TTC29: variants seen among roughly 807,000 people sequenced by gnomAD.
The protein encoded by TTC29 is tetratricopeptide repeat domain 29, also known as tetratricopeptide repeat protein 29.
TTC29 carries 49 observed loss-of-function variants against 58.1 expected under a neutral mutation model. The ratio of observed to expected loss-of-function variants is 0.84; its 90% CI spans 0.67 to 1.07. The LOEUF (loss-of-function observed/expected upper bound fraction) is 1.07, where lower values mean the gene tolerates loss of function less well. Among genes scored for constraint, TTC29 ranks in the 50% least tolerant of loss-of-function variants. The pLI is 0.00. For missense variants in TTC29, 582 were observed against 555.6 expected (o/e 1.05, Z -0.48); for synonymous variants, 209 against 196.8 (o/e 1.06, Z -0.52).
Position 146,882,079 on chromosome 4 carries a change from C to T in TTC29, c.587-7151G>A, listed in dbSNP as rs532114446. On this transcript the variant is annotated intron_variant, in intron 6 of 12. Coordinates refer to ENST00000325106, the MANE Select transcript of TTC29 (RefSeq NM_031956.4). ...TCCCATGTAGACAGGTTTGGGAGAA[C>T]CTCACCCAGGGTTTTATTACTGATG... Among the ~76,000 whole-genome samples, 25 of 152,122 alleles carry T rather than the reference C, an allele frequency of 1.6e-4. 1 individual carries two copies. The South Asian group carries it at 4.8e-3, about 29-fold the overall frequency.
chr4:146,906,003 T>A (rs898155106), intron 5 of TTC29, among the ~76,000 whole-genome samples: 1 of 152,176 alleles, frequency 6.6e-6, no homozygotes, highest in African/African-American at 2.4e-5. Flanking sequence ...TGCTCAACCC[T>A]TAATAAATTT....
At chr4:146,891,288 T>C (rs540747152) in intron 6 of TTC29, among the ~76,000 whole-genome samples, 1 of 152,326 alleles carries the variant, frequency 6.6e-6, no homozygotes, top group East Asian at 1.9e-4. Flanking sequence ...TGATTTATCA[T>C]TATCCACTTA....
intron 6 of TTC29, among the ~76,000 whole-genome samples, chr4:146,893,533 C>T (rs1732533514): frequency 6.6e-6 from 1 of 152,120 alleles, no homozygotes; most frequent in African/African-American, 2.4e-5. Context: ...AAAATTAATT[C>T]AAGATGGATT....
intron 11 of TTC29, among the ~76,000 whole-genome samples, chr4:146,761,607 C>T (rs1746906249): frequency 6.6e-6 from 1 of 150,960 alleles, no homozygotes; most frequent in African/African-American, 2.4e-5. Context: ...GCCTTGTATT[C>T]CACTGGGTTA....
chr4:146,779,576 AAG>A (rs1242505294), intron 11 of TTC29, among the ~76,000 whole-genome samples: 3 of 152,140 alleles, frequency 2.0e-5, no homozygotes, highest in African/African-American at 4.8e-5. Flanking sequence ...TTTTGAGTAA[AAG>A]AGTAGATGAT....
intron 11 of TTC29, among the ~76,000 whole-genome samples, chr4:146,801,843 T>C (rs1750242551): frequency 2.0e-5 from 3 of 151,054 alleles, no homozygotes. Context: ...CCGGGCGTCA[T>C]GGTTGGGTGC....
At chr4:146,881,701 A>G (rs1433459503) in intron 6 of TTC29, among the ~76,000 whole-genome samples, 1 of 152,112 alleles carries the variant, frequency 6.6e-6, no homozygotes, top group Non-Finnish European at 1.5e-5. Flanking sequence ...ACATGCTGAA[A>G]TAGTTAAGGG....
intron 11 of TTC29, among the ~76,000 whole-genome samples, chr4:146,755,201 T>C (rs540288651): frequency 5.1e-4 from 78 of 152,240 alleles, no homozygotes; most frequent in African/African-American, 1.8e-3. Context: ...TTGAAAACTA[T>C]ACAACACTGA....
chr4:146,887,223 A>G (rs2150242323), intron 6 of TTC29, among the ~76,000 whole-genome samples: 1 of 152,298 alleles, frequency 6.6e-6, no homozygotes, highest in Admixed American at 6.5e-5. Context: ...TTCTTACCAC[A>G]ATAACATAAA....
At chr4:146,746,345 T>C (rs976310811) in intron 11 of TTC29, among the ~76,000 whole-genome samples, 5 of 152,276 alleles carry the variant, frequency 3.3e-5, no homozygotes, top group Middle Eastern at 3.4e-3. Context: ...GACAGTTGCA[T>C]TAAGAATTAG....
intron 8 of TTC29, among the ~76,000 whole-genome samples, chr4:146,858,910 A>G (rs2150195764): frequency 6.6e-6 from 1 of 152,284 alleles, no homozygotes; most frequent in East Asian, 1.9e-4. Flanking sequence ...CTCACTCCAA[A>G]GAGTTGATAA....
intron 10 of TTC29, among the ~76,000 whole-genome samples, chr4:146,807,895 C>T (rs193062020): frequency 9.9e-5 from 15 of 152,206 alleles, no homozygotes; most frequent in South Asian, 8.3e-4. Context: ...CTTATGAGGC[C>T]GGCATCATCC....
intron 4 of TTC29, among the ~76,000 whole-genome samples, chr4:146,922,439 A>C (rs1734656285): frequency 6.6e-6 from 1 of 151,638 alleles, no homozygotes; most frequent in South Asian, 2.1e-4. Flanking sequence ...AGAAAAACAA[A>C]AACAGATAGT....
intron 11 of TTC29, among the ~76,000 whole-genome samples, chr4:146,721,586 A>G (rs4835336): frequency 0.079 from 12,024 of 152,212 alleles, 505 homozygotes; most frequent in Middle Eastern, 0.12. Flanking sequence ...GACACAATAA[A>G]ATGTTAGTTG....
chr4:146,803,320 TGTA>T (rs1375547681), intron 11 of TTC29, 134 bp downstream of exon 11: 1 of 640,222 alleles, frequency 1.6e-6, no homozygotes, highest in Non-Finnish European at 2.7e-6. Flanking sequence ...CCAACCTTCA[TGTA>T]GTAATGGATC....
chr4:146,882,577 T>C (rs1731705042), intron 6 of TTC29, among the ~76,000 whole-genome samples: 1 of 152,124 alleles, frequency 6.6e-6, no homozygotes, highest in Admixed American at 6.6e-5. Flanking sequence ...GATCAACTAT[T>C]GAATTATATT....
At chr4:146,784,985 A>G (rs987538923) in intron 11 of TTC29, among the ~76,000 whole-genome samples, 2 of 152,170 alleles carry the variant, frequency 1.3e-5, no homozygotes, top group African/African-American at 4.8e-5. Context: ...TAATTATGTG[A>G]TATAGTAAGA....
At chr4:146,767,004 T>G (rs921564139) in intron 11 of TTC29, among the ~76,000 whole-genome samples, 4 of 152,132 alleles carry the variant, frequency 2.6e-5, no homozygotes, top group African/African-American at 7.2e-5. Context: ...AAAACATTTA[T>G]TCATCATTTA....
chr4:146,738,718 ACTCTAATCTTAC>A (rs2150031057), intron 11 of TTC29, among the ~76,000 whole-genome samples: 1 of 151,866 alleles, frequency 6.6e-6, no homozygotes, highest in East Asian at 1.9e-4. Context: ...CCGCAGCGAG[ACTCTAATCTTAC>A]CCAGCCTTTG....
Sources: gnomAD v4.1 joint callset for allele counts (sites outside exome capture counted in the v4.1 genomes callset) on GRCh38, gnomAD v4.1.1 for gene constraint, MANE v1.5 for transcripts, NCBI Gene and HGNC (gene_info 2026-07-23, HGNC 2026-07-21) for gene names.